DCC: variants seen among roughly 807,000 people sequenced by gnomAD.
DCC encodes DCC netrin 1 receptor.
DCC carries 58 observed loss-of-function variants against 172.5 expected under a neutral mutation model. The ratio of observed to expected loss-of-function variants is 0.34; its 90% CI spans 0.27 to 0.42. The LOEUF (loss-of-function observed/expected upper bound fraction) is 0.42, where lower values mean the gene tolerates loss of function less well. DCC is among the 10% of genes least tolerant of loss of function. The pLI is 1.00. For synonymous variants in DCC, 709 were observed against 644.5 expected, an observed-to-expected ratio of 1.10 and a Z score of -1.52; for missense variants, 1,740 against 1,791.0, an observed-to-expected ratio of 0.97 and a Z score of 0.51.
intron 1 of DCC, among the ~76,000 whole-genome samples, chr18:52,700,307 T>C (rs1389032794): frequency 9.8e-6 from 1 of 102,292 alleles, no homozygotes; most frequent in Admixed American, 9.9e-5. Context: ...CACACACACA[T>C]GCACACATGC....
intron 2 of DCC, among the ~76,000 whole-genome samples, chr18:52,892,794 A>G (rs1458346749): frequency 8.5e-5 from 13 of 152,116 alleles, no homozygotes; most frequent in Non-Finnish European, 1.8e-4. Context: ...AAGCAGAAAT[A>G]TTTTGGTTTT....
intron 1 of DCC, among the ~76,000 whole-genome samples, chr18:52,452,866 C>T (rs745783552): frequency 3.3e-5 from 5 of 152,316 alleles, no homozygotes; most frequent in South Asian, 4.1e-4. Flanking sequence ...ACTTATAAAA[C>T]GTTAGTACAA....
chr18:52,788,195 C>T (rs1366470127), intron 2 of DCC, among the ~76,000 whole-genome samples: 4 of 152,120 alleles, frequency 2.6e-5, no homozygotes, highest in East Asian at 1.9e-4. Flanking sequence ...ATCCCTCATC[C>T]CTGGGCAAAA....
intron 2 of DCC, among the ~76,000 whole-genome samples, chr18:52,803,769 A>G (rs981212948): frequency 6.6e-6 from 1 of 152,244 alleles, no homozygotes; most frequent in Non-Finnish European, 1.5e-5. Context: ...TAGAGAAACA[A>G]CACATTCATT....
intron 1 of DCC, among the ~76,000 whole-genome samples, chr18:52,726,037 T>C (rs1849761751): frequency 6.6e-6 from 1 of 152,212 alleles, no homozygotes; most frequent in South Asian, 2.1e-4. Flanking sequence ...GAGATTAAAC[T>C]AACTGCTCAA....
intron 1 of DCC, among the ~76,000 whole-genome samples, chr18:52,694,666 G>T (rs1411854205): frequency 6.6e-6 from 1 of 152,042 alleles, no homozygotes; most frequent in Non-Finnish European, 1.5e-5. Flanking sequence ...TGGACACCCT[G>T]CCACCAGTTA....
intron 5 of DCC, among the ~76,000 whole-genome samples, chr18:52,957,538 C>T (rs2040765691): frequency 6.6e-6 from 1 of 152,004 alleles, no homozygotes; most frequent in Non-Finnish European, 1.5e-5. Context: ...TTAATAGGAC[C>T]ATTATCTCCT....
At chr18:52,658,980 G>A (rs867916184) in intron 1 of DCC, among the ~76,000 whole-genome samples, 1 of 152,104 alleles carries the variant, frequency 6.6e-6, no homozygotes, top group African/African-American at 2.4e-5. Flanking sequence ...GTAGCTGCTG[G>A]TAAATTGAAA....
intron 3 of DCC, among the ~76,000 whole-genome samples, chr18:52,911,700 A>G (rs997011497): frequency 1.3e-5 from 2 of 149,170 alleles, no homozygotes; most frequent in African/African-American, 4.9e-5. Flanking sequence ...AGGTTAATGC[A>G]TTACCTGATA....
chr18:52,661,427 C>A (rs541044078), intron 1 of DCC, among the ~76,000 whole-genome samples: 1 of 152,028 alleles, frequency 6.6e-6, no homozygotes, highest in African/African-American at 2.4e-5. Context: ...GAGAGTGGGG[C>A]GAAAAATTGT....
chr18:53,050,826 C>A (rs937889793), intron 5 of DCC, among the ~76,000 whole-genome samples: 2 of 152,016 alleles, frequency 1.3e-5, no homozygotes, highest in African/African-American at 4.8e-5. Flanking sequence ...ATAGGAATGG[C>A]TTGGAAATTT....
chr18:53,304,419 A>C (rs1049799356), intron 12 of DCC, among the ~76,000 whole-genome samples: 1 of 152,094 alleles, frequency 6.6e-6, no homozygotes, highest in African/African-American at 2.4e-5. Flanking sequence ...ATTATATGAT[A>C]TTCTACCCAA....
intron 1 of DCC, among the ~76,000 whole-genome samples, chr18:52,518,657 A>G (rs972489512): frequency 6.6e-6 from 1 of 152,156 alleles, no homozygotes; most frequent in African/African-American, 2.4e-5. Context: ...CATGATGAAT[A>G]TTTGTCTGTT....
At chr18:52,598,091 G>A (rs188594083) in intron 1 of DCC, among the ~76,000 whole-genome samples, 18 of 152,208 alleles carry the variant, frequency 1.2e-4, no homozygotes, top group Admixed American at 2.6e-4. Context: ...ATTCTAGCTT[G>A]CTTATTTTCA....
chr18:53,212,504 A>G (rs1234904946), intron 11 of DCC, among the ~76,000 whole-genome samples: 2 of 152,180 alleles, frequency 1.3e-5, no homozygotes, highest in African/African-American at 4.8e-5. Flanking sequence ...TACTGTAGAA[A>G]AAATTCTCTA....
At chr18:52,992,473 G>A (rs905777100) in intron 5 of DCC, among the ~76,000 whole-genome samples, 1 of 152,108 alleles carries the variant, frequency 6.6e-6, no homozygotes, top group Non-Finnish European at 1.5e-5. Context: ...TGACCTCTGA[G>A]TCTCCTTCCA....
intron 26 of DCC, among the ~76,000 whole-genome samples, chr18:53,487,817 T>C (rs1231468090): frequency 6.6e-6 from 1 of 152,102 alleles, no homozygotes; most frequent in African/African-American, 2.4e-5. Flanking sequence ...GCACATAATA[T>C]CTACAGAATA....
chr18:52,802,169 A>C (rs1160846333), intron 2 of DCC, among the ~76,000 whole-genome samples: 3 of 152,232 alleles, frequency 2.0e-5, no homozygotes, highest in Admixed American at 2.0e-4. Flanking sequence ...TGAATCATTT[A>C]CTTCAAGATA....
intron 12 of DCC, among the ~76,000 whole-genome samples, chr18:53,283,649 C>T (rs1033153052): frequency 6.6e-6 from 1 of 152,136 alleles, no homozygotes; most frequent in African/African-American, 2.4e-5. Context: ...GTCTGTCTAA[C>T]TTCTACGATT....
Sources: gnomAD v4.1 joint callset for allele counts (sites outside exome capture counted in the v4.1 genomes callset) on GRCh38, gnomAD v4.1.1 for gene constraint, MANE v1.5 for transcripts, NCBI Gene and HGNC (gene_info 2026-07-23, HGNC 2026-07-21) for gene names.